The following ANK1 variants were observed in gnomAD, a reference collection of about 807,000 sequenced individuals.
ANK1 encodes the protein ankyrin-1.
In ANK1, 51 loss-of-function variants were observed where a neutral mutation model predicts 210.4. That is an observed-to-expected ratio of 0.24 (90% CI 0.19 to 0.31). The LOEUF (loss-of-function observed/expected upper bound fraction) is 0.31. ANK1 is among the 10% of genes least tolerant of loss of function. The probability of loss-of-function intolerance (pLI) is 1.00; values close to 1 mark genes in which losing one functional copy is unlikely to be tolerated. For synonymous variants in ANK1, 967 were observed against 1,025.9 expected, an observed-to-expected ratio of 0.94 and a Z score of 1.10; for missense variants, 2,051 against 2,504.4, an observed-to-expected ratio of 0.82 and a Z score of 3.86.
At chr8:41,763,289 G>A (rs964101702) in intron 1 of ANK1, among the ~76,000 whole-genome samples, 3 of 151,896 alleles carry the variant, frequency 2.0e-5, no homozygotes, top group Non-Finnish European at 2.9e-5. Flanking sequence ...ACTAGATTGA[G>A]GAAAGCTAAA....
Position 41,723,633 on chromosome 8 carries a change from T to C in ANK1, c.712A>G (p.Asn238Asp), listed in dbSNP as rs1400283482. 9.9e-6 allele frequency: 16 copies of C among 1,612,554 alleles called. No individual in the cohort carries two copies. The highest frequency in any genetic ancestry group is 1.4e-5 in the Non-Finnish European group (16 of 1,179,876). ...GCGATGTGCAGTGGCGTGATGCCGT[T>C]CTGAAGGGAGGAAGCAGGACGGTCA... ...RGASVNFTPQNGITPLHIASR... is the reference protein window; with the variant it reads ...RGASVNFTPQDGITPLHIASR... Residue 238 changes from asparagine to aspartate, a missense_variant and splice_region_variant, in exon 8 of 43, where the codon AAC becomes GAC. Transcript: ENST00000289734.
intron 18 of ANK1, among the ~76,000 whole-genome samples, chr8:41,705,196 T>C (rs1032779006): frequency 2.0e-5 from 3 of 152,222 alleles, no homozygotes; most frequent in African/African-American, 7.2e-5. Context: ...CTGAGCTCCT[T>C]GGTCCCAAGT....
chr8:41,779,189 C>T (rs551395233), intron 1 of ANK1, among the ~76,000 whole-genome samples: 29 of 152,286 alleles, frequency 1.9e-4, no homozygotes, highest in Admixed American at 3.3e-4. Context: ...ACCCATCCCT[C>T]TCCTATCCCT....
intron 17 of ANK1, among the ~76,000 whole-genome samples, chr8:41,707,731 A>C (rs2150619400): frequency 6.6e-6 from 1 of 152,324 alleles, no homozygotes; most frequent in East Asian, 1.9e-4. Flanking sequence ...GATATAATGA[A>C]TATAATGGTC....
intron 1 of ANK1, among the ~76,000 whole-genome samples, chr8:41,807,054 T>C (rs1049538774): frequency 2.2e-4 from 33 of 152,268 alleles, no homozygotes; most frequent in African/African-American, 7.7e-4. Context: ...TATGTTCTCA[T>C]TCATTCATTT....
chr8:41,894,987 G>T (rs971270383), intron 1 of ANK1, among the ~76,000 whole-genome samples: 12 of 152,060 alleles, frequency 7.9e-5, no homozygotes, highest in Non-Finnish European at 1.3e-4. Context: ...AGGGAGGTGG[G>T]GACGTCAGTT....
At chr8:41,758,339 T>G (rs1839669093) in intron 1 of ANK1, among the ~76,000 whole-genome samples, 1 of 152,084 alleles carries the variant, frequency 6.6e-6, no homozygotes, top group Non-Finnish European at 1.5e-5. Context: ...CTTTGGTTTT[T>G]TGTTTTTTGT....
At chr8:41,842,424 C>T (rs1235171517) in intron 1 of ANK1, among the ~76,000 whole-genome samples, 3 of 151,642 alleles carry the variant, frequency 2.0e-5, no homozygotes, top group Non-Finnish European at 2.9e-5. Flanking sequence ...ACCCAGGAGG[C>T]GGAGGTTGCA....
At chr8:41,676,940 T>G (rs1563386696) in intron 37 of ANK1, among the ~76,000 whole-genome samples, 1 of 152,212 alleles carries the variant, frequency 6.6e-6, no homozygotes, top group Non-Finnish European at 1.5e-5. Context: ...CTTCCTTAAA[T>G]GTTTGGTAGA....
At chr8:41,896,254 G>C in intron 1 of ANK1, 1 of 1,390,988 alleles carries the variant, frequency 7.2e-7, no homozygotes, top group Non-Finnish European at 9.3e-7. Flanking sequence ...CCGCCGCACC[G>C]GGCGCCGCGC....
chr8:41,729,938 A>G (rs1255515759), intron 3 of ANK1, among the ~76,000 whole-genome samples: 1 of 152,254 alleles, frequency 6.6e-6, no homozygotes, highest in African/African-American at 2.4e-5. Context: ...CGAGTGGAGA[A>G]AATAGGTCCA....
chr8:41,688,123 A>G lies in ANK1; in HGVS notation c.4258+33T>C, dbSNP rs55846950. ...GGGGAAGAGGGTAGGTGAGATGGACAAAGTGCTTTTCTGCCCCCAATTCCC... is the reference window on the plus strand; with the variant it reads ...GGGGAAGAGGGTAGGTGAGATGGACGAAGTGCTTTTCTGCCCCCAATTCCC... On this transcript the variant is annotated intron_variant, in intron 35 of 42. Transcript: ENST00000289734. 0.021 allele frequency: 34,182 copies of G among 1,605,434 alleles called. 3,626 individuals carry two copies. The African/African-American group carries it at 0.3, about 14-fold the overall frequency.
chr8:41,800,480 A>G (rs1478624076), upstream of ANK1, among the ~76,000 whole-genome samples: 1 of 152,156 alleles, frequency 6.6e-6, no homozygotes, highest in Non-Finnish European at 1.5e-5. Flanking sequence ...CAGTTAGACA[A>G]TATACGTTCC....
chr8:41,827,554 A>G (rs1805601098), intron 1 of ANK1, among the ~76,000 whole-genome samples: 1 of 152,206 alleles, frequency 6.6e-6, no homozygotes, highest in East Asian at 1.9e-4. Flanking sequence ...TTGCAAGTTA[A>G]CTACAGTTAT....
At chr8:41,789,064 T>C (rs1312901545) in intron 1 of ANK1, 1 of 152,226 alleles carries the variant, frequency 6.6e-6, no homozygotes, top group Non-Finnish European at 1.5e-5. Context: ...AAAGCTTCCC[T>C]GGCACACTCT....
Position 41,727,982 on chromosome 8 carries a change from C to A in ANK1, c.253G>T (p.Ala85Ser). 3.1e-6 allele frequency: 5 copies of A among 1,614,114 alleles called. No homozygotes were observed. Among genetic ancestry groups the A allele is most frequent in the Non-Finnish European group, 4.2e-6 (5 of 1,180,028 alleles). The change falls in exon 4 of 43, where the codon GCT (alanine) becomes TCT (serine). Residue 85 changes from alanine to serine, a missense_variant. By Grantham distance (99) the Ala-to-Ser change is moderately conservative. Transcript: ENST00000289734. ...TKKGNTALHIAALAGQDEVVR... is the reference protein window; with the variant it reads ...TKKGNTALHISALAGQDEVVR... ...ACCTCATCCTGCCCGGCTAGAGCAG[C>A]GATGTGCAGGGCCGTGTTCCCCTTC...
intron 16 of ANK1, among the ~76,000 whole-genome samples, chr8:41,713,770 C>T (rs889122666): frequency 6.6e-6 from 1 of 152,194 alleles, no homozygotes; most frequent in African/African-American, 2.4e-5. Context: ...ACTGCACAGT[C>T]CCACGGAGTC....
intron 9 of ANK1, among the ~76,000 whole-genome samples, chr8:41,722,865 C>A (rs1388786055): frequency 1.3e-5 from 2 of 152,196 alleles, no homozygotes; most frequent in African/African-American, 4.8e-5. Flanking sequence ...TGAATCATTG[C>A]AACAGGGACC....
intron 1 of ANK1, among the ~76,000 whole-genome samples, chr8:41,759,302 CAG>C (rs1394697235): frequency 6.6e-6 from 1 of 152,126 alleles, no homozygotes; most frequent in African/African-American, 2.4e-5. Flanking sequence ...GGTCAAGAGA[CAG>C]AGACAATCCT....
Sources: allele counts gnomAD v4.1 joint callset (sites outside exome capture counted in the v4.1 genomes callset), GRCh38; gene constraint gnomAD v4.1.1; transcripts MANE v1.5; gene names NCBI Gene and HGNC (gene_info 2026-07-23, HGNC 2026-07-21).